The following ELAC2 variants were observed in gnomAD, a reference collection of about 807,000 sequenced individuals.
The protein encoded by ELAC2 is zinc phosphodiesterase ELAC protein 2.
Under a neutral mutation model 105.2 loss-of-function variants are expected in ELAC2, and 92 were observed. The observed-to-expected ratio is 0.87, with a 90% CI of 0.74 to 1.04. The LOEUF (loss-of-function observed/expected upper bound fraction) is 1.04, where lower values mean the gene tolerates loss of function less well. Among genes scored for constraint, ELAC2 ranks in the 50% least tolerant of loss-of-function variants. ELAC2 has a pLI of 0.00. For missense variants in ELAC2, 1,099 were observed against 1,071.7 expected (o/e 1.03, Z -0.36); for synonymous variants, 468 against 409.1 (o/e 1.14, Z -1.74).
rs1026953492 is a variant in ELAC2, at chr17:13,001,488, G to A, written c.1304+786C>T. Among the ~76,000 whole-genome samples the A allele has an allele frequency of 9.9e-5, 15 of 151,852 alleles. No individual in the cohort carries two copies. The East Asian group carries it at 1.9e-3, about 20-fold the overall frequency. On this transcript the variant is annotated intron_variant, in intron 14 of 23. Coordinates refer to ENST00000338034, the MANE Select transcript of ELAC2 (RefSeq NM_018127.7). ...GCCTGGGCAACAAGAGTGAAACTCC[G>A]TCTCAAAAAAATAAATAAATAAATA...
At chr17:13,017,365 C>T in intron 1 of ELAC2, 1 of 626,980 alleles carries the variant, frequency 1.6e-6, no homozygotes, top group Admixed American at 2.9e-5. Flanking sequence ...CCACCACCGG[C>T]TACACACCAG....
intron 7 of ELAC2, 148 bp from the exon 8 acceptor site, chr17:13,010,819 A>G: frequency 1.4e-6 from 1 of 723,258 alleles, no homozygotes; most frequent in Admixed American, 2.2e-5. Context: ...ACACTAATAT[A>G]CTCAAGAAGA....
chr17:13,015,659 A>G, intron 4 of ELAC2, 109 bp downstream of exon 4: 1 of 884,834 alleles, frequency 1.1e-6, no homozygotes, highest in East Asian at 2.4e-5. Flanking sequence ...CGTTTCAACG[A>G]CCAGGTATCT....
intron 4 of ELAC2, among the ~76,000 whole-genome samples, chr17:13,014,738 G>A (rs1443880715): frequency 1.3e-5 from 2 of 152,166 alleles, no homozygotes; most frequent in South Asian, 4.1e-4. Flanking sequence ...AAGGAAACAC[G>A]ATAACAGAAA....
chr17:13,011,977 T>C (rs916121353), intron 6 of ELAC2, among the ~76,000 whole-genome samples, 195 bp from the exon 7 acceptor site: 7 of 152,218 alleles, frequency 4.6e-5, no homozygotes, highest in Non-Finnish European at 8.8e-5. Context: ...TGTTTATGTT[T>C]CTGCTTAGCT....
intron 8 of ELAC2, among the ~76,000 whole-genome samples, chr17:13,006,948 T>C (rs1371611043): frequency 1.3e-5 from 2 of 151,924 alleles, no homozygotes; most frequent in African/African-American, 2.4e-5. Context: ...GGTGAATCCC[T>C]GTCACTACTA....
At chr17:12,996,476 A>G in intron 17 of ELAC2, 71 bp downstream of exon 17, 1 of 1,608,466 alleles carries the variant, frequency 6.2e-7, no homozygotes, top group Non-Finnish European at 8.5e-7. Context: ...GAAAAGACGC[A>G]GCCAAAGGGC....
Position 13,017,867 on chromosome 17 carries a change from G to T in ELAC2, c.81C>A (p.Ala27=). 1 of 1,554,778 alleles carries T rather than the reference G, an allele frequency of 6.4e-7. No individual in the cohort carries two copies. The highest frequency in any genetic ancestry group is 8.7e-7 in the Non-Finnish European group (1 of 1,152,062). The change falls in exon 1 of 24, where the codon GCC becomes GCA. Residue 27 remains alanine, a synonymous_variant. Transcript: ENST00000338034. ...SQGRTISQAP[A]RRERPRKDPL... The stretch of plus-strand genomic sequence containing the variant: ...GGTCCTTGCGCGGCCGCTCGCGGCG[G>T]GCGGGTGCCTGCGATATGGTGCGTC...
At position 12,992,431 on chromosome 17, in the gene ELAC2, G is replaced by T. The variant is rs1033057667; in HGVS notation, c.*387C>A. ...TTATTGCAGCTGAAATACTATTTTC[G>T]TTAAGTCTCGGACACTTAGACCCAC... On this transcript the variant is annotated 3_prime_UTR_variant, in exon 24 of 24. Coordinates refer to ENST00000338034, the MANE Select transcript of ELAC2 (RefSeq NM_018127.7). The T allele has an allele frequency of 5.4e-6, 2 of 371,666 alleles. No homozygotes were observed. The highest frequency in any genetic ancestry group is 2.0e-5 in the African/African-American group (1 of 49,610). The allele number at this position is 371,666 out of a possible 1,614,324, so 23.0% of individuals were successfully genotyped here. A position where few individuals can be genotyped will look rare whatever the true frequency, so the allele number is the denominator to read the frequency against.
At chr17:13,016,825 T>TC (rs754835371) in intron 3 of ELAC2, 37 bp downstream of exon 3, 1 of 1,598,930 alleles carries the variant, frequency 6.3e-7, no homozygotes, top group East Asian at 2.2e-5. Flanking sequence ...CCCAGAGACT[T>TC]CCCACCAGCC....
intron 17 of ELAC2, chr17:12,996,313 T>A: frequency 1.5e-6 from 1 of 668,796 alleles, no homozygotes; most frequent in Non-Finnish European, 2.6e-6. Flanking sequence ...CAAGGAAGGC[T>A]GGGTAAACTC....
chr17:12,992,672 A>G lies in ELAC2; in HGVS notation c.*146T>C. Reference sequence around the variant, plus strand: ...AGACTAGTGCTTATGTGGGAGCCCAAGCCTCGGCACAGCTCCATACCACCT... The same window carrying G: ...AGACTAGTGCTTATGTGGGAGCCCAGGCCTCGGCACAGCTCCATACCACCT... On this transcript the variant is annotated 3_prime_UTR_variant, in exon 24 of 24. Transcript: ENST00000338034. 1.0e-6 allele frequency: 1 copy of G among 956,070 alleles called. No individual in the cohort carries two copies. Among genetic ancestry groups the G allele is most frequent in the Non-Finnish European group, 1.6e-6 (1 of 633,166 alleles). 59.2% of individuals were successfully genotyped at this position (956,070 alleles called of 1,614,324 possible). A position where few individuals can be genotyped will look rare whatever the true frequency, so the allele number is the denominator to read the frequency against.
At chr17:13,002,667 G>A in intron 12 of ELAC2, 88 bp from the exon 13 acceptor site, 1 of 1,544,446 alleles carries the variant, frequency 6.5e-7, no homozygotes, top group Non-Finnish European at 8.7e-7. Context: ...GTGGTAATGA[G>A]GATGAGGTGT....
rs781379178 is a variant in ELAC2 at position 12,994,805 on chromosome 17, T to A, written c.1988A>T (p.Tyr663Phe). The A allele has an allele frequency of 1.2e-6, 2 of 1,614,036 alleles. No individual in the cohort carries two copies. The highest frequency in any genetic ancestry group is 1.7e-6 in the Non-Finnish European group (2 of 1,180,028). Residue 663 changes from tyrosine (Y) to phenylalanine (F), a missense_variant, in exon 21 of 24, where the codon TAT becomes TTT. Tyr to Phe is a conservative substitution (Grantham distance 22). Transcript: ENST00000338034. ...LVHTSGWKVVYSGDTMPCEAL... is the reference protein window; with the variant it reads ...LVHTSGWKVVFSGDTMPCEAL... ...CTCGCAGGGCATGGTGTCCCCGGAA[T>A]AGACCACTTTCCAGCCAGAGGTGTG...
intron 8 of ELAC2, chr17:13,006,275 C>G: frequency 2.5e-6 from 1 of 398,298 alleles, no homozygotes; most frequent in South Asian, 2.2e-5. Flanking sequence ...GAAGCTGAGG[C>G]AGGAGAATCG....
rs9895963 is a variant in ELAC2, at chr17:13,017,793, G to C, written c.155C>G (p.Ser52Cys). Residue 52 changes from serine (S) to cysteine (C), a missense_variant, in exon 1 of 24, where the codon TCC becomes TGC. Ser to Cys is a moderately radical substitution (Grantham distance 112). Transcript: ENST00000338034. ...CAGGTACACGGTGTTTGGGCCGCCG[G>C]AGCACCCCGACGGTCCGCGCTTCTC... ...TREKRGPSGC[S>C]GGPNTVYLQV... The C allele has an allele frequency of 3.4e-4, 553 of 1,607,972 alleles. 5 individuals are homozygous for C. Among genetic ancestry groups the C allele is most frequent in the East Asian group, 1.6e-3 (71 of 44,668 alleles).
chr17:13,002,324 C>T lies in ELAC2; in HGVS notation c.1254G>A (p.Gln418=), dbSNP rs1567754454. 1 of 1,614,176 alleles carries T rather than the reference C, an allele frequency of 6.2e-7. No homozygotes were observed. Among genetic ancestry groups the T allele is most frequent in the Non-Finnish European group, 8.5e-7 (1 of 1,180,036 alleles). Residue 418 remains glutamine (Q), a synonymous_variant, in exon 14 of 24, where the codon CAG becomes CAA. Coordinates refer to ENST00000338034, the MANE Select transcript of ELAC2 (RefSeq NM_018127.7). The part of the protein sequence containing the change: ...EGPTLSVPMV[Q]GECLLKYQLR... ...GCTGGTACTTGAGGAGGCATTCACCCTGAACCATGGGCACACTGAGGGTGG... is the reference window on the plus strand; with the variant it reads ...GCTGGTACTTGAGGAGGCATTCACCTTGAACCATGGGCACACTGAGGGTGG...
Position 12,991,705 on chromosome 17 carries a change from C to T in ELAC2, c.*1113G>A, listed in dbSNP as rs552928087. 4.8e-6 allele frequency: 1 copy of T among 210,334 alleles called. No individual in the cohort carries two copies. The highest frequency in any genetic ancestry group is 1.9e-4 in the South Asian group (1 of 5,310). The allele number at this position is 210,334 out of a possible 1,614,324, so 13.0% of individuals were successfully genotyped here. On this transcript the variant is annotated 3_prime_UTR_variant, in exon 24 of 24. Coordinates refer to ENST00000338034, the MANE Select transcript of ELAC2 (RefSeq NM_018127.7). ...GACATGGCCGTCAATCTCAAATGCA[C>T]ACCGGGATGGAGCCTGAAGGTCACC...
At chr17:13,001,152 CAAA>C (rs1427196729) in intron 14 of ELAC2, among the ~76,000 whole-genome samples, 1 of 152,158 alleles carries the variant, frequency 6.6e-6, no homozygotes, top group Non-Finnish European at 1.5e-5. Context: ...TATTCTAATA[CAAA>C]TACTGTGGAG....
Sources: gnomAD v4.1 joint callset for allele counts (sites outside exome capture counted in the v4.1 genomes callset) on GRCh38, gnomAD v4.1.1 for gene constraint, MANE v1.5 for transcripts, NCBI Gene and HGNC (gene_info 2026-07-23, HGNC 2026-07-21) for gene names.